The following ESR2 variants were observed in gnomAD, a reference collection of about 807,000 sequenced individuals.
ESR2 encodes estrogen receptor beta.
A neutral mutation model predicts 49.6 loss-of-function variants in ESR2; 36 were observed. The observed-to-expected ratio is 0.73, with a 90% CI of 0.56 to 0.96. The LOEUF (loss-of-function observed/expected upper bound fraction) is 0.96. Among genes scored for constraint, ESR2 ranks in the 40% least tolerant of loss-of-function variants. The pLI is 0.00. For missense variants in ESR2, 714 were observed against 693.0 expected, an observed-to-expected ratio of 1.03 and a Z score of -0.34; for synonymous variants, 320 against 266.1, an observed-to-expected ratio of 1.20 and a Z score of -1.97.
intron 4 of ESR2, among the ~76,000 whole-genome samples, chr14:64,263,265 C>T (rs1292142248): frequency 6.6e-6 from 1 of 152,010 alleles, no homozygotes; most frequent in East Asian, 1.9e-4. Flanking sequence ...CTATTGATAC[C>T]AGACAAATAA....
At chr14:64,227,546 GT>G (rs766817445), downstream of ESR2, 8 of 1,614,064 alleles carry the variant, frequency 5.0e-6, no homozygotes, top group African/African-American at 1.3e-5. Context: ...CTGCTCCATC[GT>G]TGCTTCAGGC....
intron 7 of ESR2, among the ~76,000 whole-genome samples, chr14:64,239,078 G>A (rs1247756113): frequency 1.3e-5 from 2 of 152,214 alleles, no homozygotes; most frequent in African/African-American, 4.8e-5. Flanking sequence ...TCCTGGCTTT[G>A]GGGAGCCGTA....
At chr14:64,271,760 T>G (rs749848741) in intron 3 of ESR2, among the ~76,000 whole-genome samples, 36 of 152,236 alleles carry the variant, frequency 2.4e-4, no homozygotes, top group Non-Finnish European at 4.4e-4. Flanking sequence ...TATGGCCGAA[T>G]AGTGGTGTAT....
intron 5 of ESR2, 29 bp from the exon 6 acceptor site, chr14:64,257,393 C>G (rs1298414509): frequency 6.2e-7 from 1 of 1,611,286 alleles, no homozygotes; most frequent in Non-Finnish European, 8.5e-7. Context: ...GGTGAGACAC[C>G]CCCACCCCTC....
At chr14:64,338,343 A>G (rs988259369), upstream of ESR2, 1 of 154,908 alleles carries the variant, frequency 6.5e-6, no homozygotes, top group Non-Finnish European at 1.5e-5. Flanking sequence ...AGCTGAGGAG[A>G]TTCTAAAAGC....
At chr14:64,247,332 A>AAAAC (rs143367822) in intron 7 of ESR2, among the ~76,000 whole-genome samples, 65,132 of 151,166 alleles carry the variant, frequency 0.43, 14,389 homozygotes, top group East Asian at 0.51. Flanking sequence ...GCTCTGTCTC[A>AAAAC]AAACAAACAA....
exon 1 of ESR2, chr14:64,338,015 G>A: frequency 6.5e-6 from 1 of 153,860 alleles, no homozygotes; most frequent in Non-Finnish European, 1.5e-5. Flanking sequence ...AGCTGCCGCC[G>A]CCCTGTCAGG....
intron 4 of ESR2, among the ~76,000 whole-genome samples, chr14:64,266,108 C>T (rs924392282): frequency 3.3e-5 from 5 of 152,224 alleles, no homozygotes; most frequent in Non-Finnish European, 2.9e-5. Context: ...TGGCTAAATA[C>T]AACAACCTTT....
chr14:64,305,477 T>C lies in ESR2; in HGVS notation c.-90-22402A>G, dbSNP rs186194275. On this transcript the variant is annotated intron_variant, in intron 1 of 8. Transcript: ENST00000358599. ...CGAGGTCAGGAGATCGAGACCATCC[T>C]GGCTAACACAGTGAAACCCCATCTC... Among the ~76,000 whole-genome samples the C allele has an allele frequency of 3.5e-3, 530 of 151,630 alleles. 8 individuals are homozygous for C. In the East Asian group the frequency reaches 0.05, roughly 14 times the overall value.
chr14:64,253,558 AT>A (rs1491354711), intron 6 of ESR2, among the ~76,000 whole-genome samples: 1 of 90,222 alleles, frequency 1.1e-5, no homozygotes, highest in East Asian at 3.1e-4. Context: ...GGGGTACACT[AT>A]TTGTGTGTGT....
chr14:64,275,255 C>T (rs979847864), intron 3 of ESR2, among the ~76,000 whole-genome samples: 3 of 152,070 alleles, frequency 2.0e-5, no homozygotes, highest in African/African-American at 7.2e-5. Flanking sequence ...ATAATATTTG[C>T]TTTATATATC....
intron 4 of ESR2, among the ~76,000 whole-genome samples, chr14:64,261,362 C>A (rs999500447): frequency 6.6e-6 from 1 of 150,554 alleles, no homozygotes; most frequent in African/African-American, 2.4e-5. Context: ...CTCAGCCTCC[C>A]GAGTAGCTAG....
intron 1 of ESR2, among the ~76,000 whole-genome samples, chr14:64,310,278 G>T (rs1277473544): frequency 8.4e-6 from 1 of 119,002 alleles, no homozygotes; most frequent in Admixed American, 8.0e-5. Context: ...GTAAGACGTC[G>T]TCTCAAAAAA....
intron 3 of ESR2, among the ~76,000 whole-genome samples, chr14:64,278,354 G>T (rs2076598096): frequency 1.3e-5 from 2 of 152,222 alleles, no homozygotes; most frequent in South Asian, 4.2e-4. Context: ...ATTCATACAG[G>T]GTGAATTTCA....
chr14:64,322,400 G>A (rs1596493203), intron 1 of ESR2, among the ~76,000 whole-genome samples: 1 of 151,870 alleles, frequency 6.6e-6, no homozygotes, highest in East Asian at 1.9e-4. Context: ...TACTGGCTAA[G>A]TGCAATGACT....
chr14:64,313,707 C>T (rs1703075890), intron 1 of ESR2, among the ~76,000 whole-genome samples: 3 of 151,234 alleles, frequency 2.0e-5, no homozygotes, highest in Admixed American at 1.3e-4. Context: ...GGCACCCCAC[C>T]TCTACCAAAA....
intron 1 of ESR2, among the ~76,000 whole-genome samples, chr14:64,293,707 G>A (rs986879193): frequency 6.6e-6 from 1 of 152,208 alleles, no homozygotes; most frequent in African/African-American, 2.4e-5. Context: ...CAATCAGAAA[G>A]TGTATTCAAC....
At chr14:64,257,095 G>A in intron 6 of ESR2, 131 bp downstream of exon 6, 1 of 809,914 alleles carries the variant, frequency 1.2e-6, no homozygotes, top group Non-Finnish European at 2.1e-6. Flanking sequence ...CCCAGTGAAG[G>A]AGCTGATGAT....
At chr14:64,332,247 T>C (rs2077468953) in intron 1 of ESR2, 1 of 152,210 alleles carries the variant, frequency 6.6e-6, no homozygotes, top group African/African-American at 2.4e-5. Flanking sequence ...GAGTTTAGTC[T>C]CTTAGTTTGA....
Sources: gnomAD v4.1 joint callset for allele counts (sites outside exome capture counted in the v4.1 genomes callset) on GRCh38, gnomAD v4.1.1 for gene constraint, MANE v1.5 for transcripts, NCBI Gene and HGNC (gene_info 2026-07-23, HGNC 2026-07-21) for gene names.